The following ANOS1 variants were observed in gnomAD, a reference collection of about 807,000 sequenced individuals.
The protein encoded by ANOS1 is anosmin-1.
ANOS1 carries 6 observed loss-of-function variants against 59.0 expected under a neutral mutation model. The observed-to-expected ratio is 0.10, with a 90% CI of 0.06 to 0.20. The LOEUF is 0.20. Ranked by LOEUF, ANOS1 falls within the 10% of genes least tolerant of loss-of-function variation. The pLI is 1.00. For synonymous variants in ANOS1, 217 were observed against 223.4 expected, an observed-to-expected ratio of 0.97 and a Z score of 0.25; for missense variants, 433 against 542.3, an observed-to-expected ratio of 0.80 and a Z score of 2.00.
chrX:8,661,189 C>G (rs1213531619), intron 2 of ANOS1, among the ~76,000 whole-genome samples: 1 of 109,430 alleles, frequency 9.1e-6, no homozygotes, highest in Non-Finnish European at 1.9e-5. Context: ...ATCTCCTCTT[C>G]TTATGAGATG....
At chrX:8,608,416 T>C (rs1004510387) in intron 3 of ANOS1, among the ~76,000 whole-genome samples, 2 of 112,106 alleles carry the variant, frequency 1.8e-5, no homozygotes, top group Admixed American at 9.5e-5. Context: ...CTTTGATTTA[T>C]ATTGTTCAGT....
intron 2 of ANOS1, among the ~76,000 whole-genome samples, chrX:8,635,384 T>G (rs1294453126): frequency 8.9e-6 from 1 of 112,152 alleles, no homozygotes; most frequent in Non-Finnish European, 1.9e-5. Flanking sequence ...ACATGAATTC[T>G]AAAATCAGCA....
At chrX:8,636,440 GTAA>G (rs957922020) in intron 2 of ANOS1, among the ~76,000 whole-genome samples, 1 of 112,020 alleles carries the variant, frequency 8.9e-6, no homozygotes, top group African/African-American at 3.2e-5. Flanking sequence ...GTTTATATCA[GTAA>G]TATATAAGAA....
At chrX:8,596,965 C>T in intron 4 of ANOS1, 69 bp downstream of exon 4, 1 of 1,201,514 alleles carries the variant, frequency 8.3e-7, no homozygotes, top group Non-Finnish European at 1.1e-6. Flanking sequence ...TGATGGACAC[C>T]CTTCCCTAGG....
At chrX:8,560,090 C>T (rs895302558) in intron 8 of ANOS1, among the ~76,000 whole-genome samples, 1 of 111,979 alleles carries the variant, frequency 8.9e-6, no homozygotes, top group African/African-American at 3.2e-5. Context: ...ATACAGTAAT[C>T]CTTTAACATG....
At chrX:8,600,943 C>A (rs367733521) in intron 3 of ANOS1, among the ~76,000 whole-genome samples, 1 of 111,972 alleles carries the variant, frequency 8.9e-6, no homozygotes, top group African/African-American at 3.2e-5. Context: ...GTAATCCCAG[C>A]ACTTTGGGAG....
intron 3 of ANOS1, among the ~76,000 whole-genome samples, chrX:8,621,141 G>A (rs999063163): frequency 4.5e-5 from 5 of 110,806 alleles, no homozygotes; most frequent in Non-Finnish European, 7.5e-5. Flanking sequence ...CAAGGCAGGC[G>A]GATCACTTGA....
At chrX:8,561,466 A>ATTTTTTT (rs34119310) in intron 8 of ANOS1, among the ~76,000 whole-genome samples, 46 of 66,901 alleles carry the variant, frequency 6.9e-4, no homozygotes, top group East Asian at 1.5e-3. Flanking sequence ...TGCCCGGCTA[A>ATTTTTTT]TTTTTTTTTT....
Position 8,534,420 on chromosome X carries a change from G to A in ANOS1, c.1883C>T (p.Thr628Ile), listed in dbSNP as rs1064796699. 2 of 1,210,240 alleles carry A rather than the reference G, an allele frequency of 1.7e-6. No homozygotes were observed. The highest frequency in any genetic ancestry group is 2.2e-6 in the Non-Finnish European group (2 of 894,415). The change falls in exon 13 of 14, where the codon ACT becomes ATT. Residue 628 changes from threonine to isoleucine, a missense_variant. By Grantham distance (89) the Thr-to-Ile change is moderately conservative. Coordinates refer to ENST00000262648, the MANE Select transcript of ANOS1 (RefSeq NM_000216.4). ...VLTVPNLRPSTLYRLEVQVLT... is the reference protein window; with the variant it reads ...VLTVPNLRPSILYRLEVQVLT... ...CACTTGCACTTCCAGTCGGTAAAGA[G>A]TAGATGGTCTCAGATTGGGCACTGT...
intron 8 of ANOS1, chrX:8,566,165 C>T (rs962155332): frequency 1.3e-6 from 1 of 752,982 alleles, no homozygotes. Flanking sequence ...TCTCATTCCC[C>T]AACTCCATGT....
chrX:8,702,036 T>C (rs1174833414), intron 1 of ANOS1, among the ~76,000 whole-genome samples: 2 of 111,404 alleles, frequency 1.8e-5, no homozygotes, highest in African/African-American at 6.5e-5. Flanking sequence ...CTCCCAATAA[T>C]TCCTACACAT....
At chrX:8,596,474 G>A (rs1869670870) in intron 4 of ANOS1, among the ~76,000 whole-genome samples, 1 of 111,984 alleles carries the variant, frequency 8.9e-6, no homozygotes, top group Non-Finnish European at 1.9e-5. Context: ...AACGGCTTTT[G>A]AATATAAACT....
chrX:8,697,118 C>T (rs780413324), intron 2 of ANOS1, among the ~76,000 whole-genome samples: 62 of 111,859 alleles, frequency 5.5e-4, no homozygotes, highest in Non-Finnish European at 9.6e-4. Flanking sequence ...TGGCAGGCGC[C>T]TGTAATCCCA....
chrX:8,668,424 TATATATAC>T (rs1180650523), intron 2 of ANOS1, among the ~76,000 whole-genome samples: 6 of 81,132 alleles, frequency 7.4e-5, no homozygotes, highest in African/African-American at 2.4e-4. Context: ...TATATATATA[TATATATAC>T]ACACACATAC....
intron 9 of ANOS1, 113 bp downstream of exon 9, chrX:8,553,839 A>G: frequency 1.5e-6 from 1 of 663,129 alleles, no homozygotes; most frequent in Non-Finnish European, 2.4e-6. Context: ...TGTGTTCAAC[A>G]ACCGTTTGCC....
At chrX:8,624,015 T>C (rs1429617536) in intron 2 of ANOS1, among the ~76,000 whole-genome samples, 8 of 39,028 alleles carry the variant, frequency 2.0e-4, no homozygotes, top group African/African-American at 6.3e-4. Flanking sequence ...TCTTTTCTTT[T>C]TTTTTTTTTT....
At chrX:8,648,040 T>C (rs1235200464) in intron 2 of ANOS1, among the ~76,000 whole-genome samples, 2 of 112,439 alleles carry the variant, frequency 1.8e-5, no homozygotes, top group African/African-American at 3.2e-5. Context: ...ATGTTATAAA[T>C]TGATAAACTG....
At chrX:8,664,321 G>GC (rs1323685168) in intron 2 of ANOS1, among the ~76,000 whole-genome samples, 9 of 110,957 alleles carry the variant, frequency 8.1e-5, no homozygotes, top group African/African-American at 3.0e-4. Context: ...CTCCCGAGTA[G>GC]CTGGGACTAC....
intron 2 of ANOS1, among the ~76,000 whole-genome samples, chrX:8,697,597 G>T (rs1932702510): frequency 9.0e-6 from 1 of 111,731 alleles, no homozygotes. Context: ...CTTTGCAGAT[G>T]GTCACCAGAA....
Sources: gnomAD v4.1 joint callset for allele counts (sites outside exome capture counted in the v4.1 genomes callset) on GRCh38, gnomAD v4.1.1 for gene constraint, MANE v1.5 for transcripts, NCBI Gene and HGNC (gene_info 2026-07-23, HGNC 2026-07-21) for gene names.